Variants in AUTS2 observed in about 807,000 individuals in gnomAD.
The protein encoded by AUTS2 is activator of transcription and developmental regulator AUTS2, also known as autism susceptibility gene 2 protein.
Under a neutral mutation model 112.4 loss-of-function variants are expected in AUTS2, and 17 were observed. The ratio of observed to expected loss-of-function variants is 0.15; its 90% confidence interval spans 0.10 to 0.23. AUTS2 has a LOEUF of 0.23. Among genes scored for constraint, AUTS2 ranks in the 10% least tolerant of loss-of-function variants. The probability of loss-of-function intolerance (pLI) is 1.00; values close to 1 mark genes in which losing one functional copy is unlikely to be tolerated. For synonymous variants in AUTS2, 751 were observed against 702.7 expected (o/e 1.07, Z -1.09); for missense variants, 1,510 against 1,701.6 (o/e 0.89, Z 1.98).
At chr7:70,149,271 G>T (rs1296783963) in intron 4 of AUTS2, among the ~76,000 whole-genome samples, 1 of 151,886 alleles carries the variant, frequency 6.6e-6, no homozygotes, top group African/African-American at 2.4e-5. Context: ...GCTCATTGAG[G>T]TCCTCAATAA....
intron 1 of AUTS2, among the ~76,000 whole-genome samples, chr7:69,667,195 T>A (rs993130050): frequency 6.6e-6 from 1 of 152,056 alleles, no homozygotes; most frequent in Non-Finnish European, 1.5e-5. Context: ...CAATAACCCA[T>A]TAATCCACCA....
chr7:70,568,490 G>T (rs925044340), intron 5 of AUTS2, among the ~76,000 whole-genome samples: 1 of 152,156 alleles, frequency 6.6e-6, no homozygotes, highest in Non-Finnish European at 1.5e-5. Flanking sequence ...AGTGTTCAAG[G>T]TGAACTTTTT....
intron 4 of AUTS2, among the ~76,000 whole-genome samples, chr7:70,369,932 G>C (rs2129629902): frequency 6.6e-6 from 1 of 152,266 alleles, no homozygotes; most frequent in Middle Eastern, 3.4e-3. Flanking sequence ...AAGGGTACTA[G>C]AATGAGGAAG....
chr7:70,064,732 G>A (rs1403430767), intron 2 of AUTS2, among the ~76,000 whole-genome samples: 5 of 152,184 alleles, frequency 3.3e-5, no homozygotes. Flanking sequence ...TTCTTTTTAA[G>A]AGTCATAGTA....
chr7:69,763,555 CA>C (rs2129289163), intron 1 of AUTS2, among the ~76,000 whole-genome samples: 1 of 152,292 alleles, frequency 6.6e-6, no homozygotes, highest in African/African-American at 2.4e-5. Flanking sequence ...CATCTTTCTC[CA>C]TTAGATTTCA....
intron 4 of AUTS2, among the ~76,000 whole-genome samples, chr7:70,195,178 C>T (rs767427125): frequency 5.3e-5 from 8 of 152,150 alleles, no homozygotes; most frequent in Admixed American, 1.3e-4. Context: ...AGGAAAGCTT[C>T]AGTAAGACAC....
At chr7:69,624,211 C>G (rs996055135) in intron 1 of AUTS2, among the ~76,000 whole-genome samples, 1 of 152,140 alleles carries the variant, frequency 6.6e-6, no homozygotes. Flanking sequence ...TTTGAAAATG[C>G]GTAAGGACAG....
chr7:69,989,782 G>C (rs994031908), intron 2 of AUTS2, among the ~76,000 whole-genome samples: 5 of 152,192 alleles, frequency 3.3e-5, no homozygotes, highest in African/African-American at 1.2e-4. Flanking sequence ...ATTGGGAACT[G>C]GGCCACAGAG....
At chr7:70,141,221 G>A (rs576039519) in intron 4 of AUTS2, among the ~76,000 whole-genome samples, 178 of 152,236 alleles carry the variant, frequency 1.2e-3, no homozygotes, top group African/African-American at 3.8e-3. Context: ...GGAGAAAGAC[G>A]GGACTTAGAT....
At chr7:70,383,399 T>TA (rs1357396996) in intron 4 of AUTS2, among the ~76,000 whole-genome samples, 1 of 151,948 alleles carries the variant, frequency 6.6e-6, no homozygotes, top group South Asian at 2.1e-4. Context: ...TTTTAGCCTT[T>TA]AAAAAAAACA....
At chr7:70,058,796 A>G (rs534641936) in intron 2 of AUTS2, among the ~76,000 whole-genome samples, 40 of 152,174 alleles carry the variant, frequency 2.6e-4, no homozygotes, top group Non-Finnish European at 3.5e-4. Flanking sequence ...AAATCAGAAA[A>G]GTGTATCCCG....
chr7:70,112,226 C>T (rs937872060), intron 2 of AUTS2, among the ~76,000 whole-genome samples: 1 of 151,490 alleles, frequency 6.6e-6, no homozygotes, highest in Non-Finnish European at 1.5e-5. Context: ...TTGTCTTTTA[C>T]CCAGTTGTTA....
intron 2 of AUTS2, among the ~76,000 whole-genome samples, chr7:69,965,194 C>G (rs1797590154): frequency 6.6e-6 from 1 of 152,138 alleles, no homozygotes; most frequent in African/African-American, 2.4e-5. Flanking sequence ...AAATGCTCCC[C>G]ACTGTCCCCA....
chr7:70,496,304 CACACCACGTA>C (rs1798499135), intron 5 of AUTS2, among the ~76,000 whole-genome samples: 1 of 126,668 alleles, frequency 7.9e-6, no homozygotes. Context: ...CCCACTCACA[CACACCACGTA>C]CACAGTCACA....
intron 6 of AUTS2, among the ~76,000 whole-genome samples, chr7:70,737,498 A>T (rs548030839): frequency 6.6e-6 from 1 of 152,326 alleles, no homozygotes; most frequent in African/African-American, 2.4e-5. Flanking sequence ...AACCGATTTT[A>T]TCCAGTTCTT....
At chr7:70,392,619 A>G (rs1298129335) in intron 4 of AUTS2, among the ~76,000 whole-genome samples, 1 of 152,240 alleles carries the variant, frequency 6.6e-6, no homozygotes, top group Non-Finnish European at 1.5e-5. Context: ...CTGTATTTTC[A>G]CATTAGAATT....
intron 4 of AUTS2, among the ~76,000 whole-genome samples, chr7:70,210,810 G>A (rs950721407): frequency 3.3e-5 from 5 of 152,188 alleles, no homozygotes; most frequent in East Asian, 1.9e-4. Context: ...AACCAAGCTC[G>A]TGTTCTTATA....
intron 5 of AUTS2, among the ~76,000 whole-genome samples, chr7:70,595,570 G>A (rs953829718): frequency 3.0e-4 from 45 of 152,102 alleles, no homozygotes; most frequent in Admixed American, 2.4e-3. Flanking sequence ...CCCAAGGGCA[G>A]GGCTGGTCTC....
chr7:70,684,860 T>C (rs749749728), intron 5 of AUTS2, among the ~76,000 whole-genome samples: 1 of 152,156 alleles, frequency 6.6e-6, no homozygotes, highest in Non-Finnish European at 1.5e-5. Flanking sequence ...CTCACAAGAT[T>C]GATGTAAGAG....
Sources: gnomAD v4.1 joint callset for allele counts (sites outside exome capture counted in the v4.1 genomes callset) on GRCh38, gnomAD v4.1.1 for gene constraint, MANE v1.5 for transcripts, NCBI Gene and HGNC (gene_info 2026-07-23, HGNC 2026-07-21) for gene names.